CMSS1: variants seen among roughly 807,000 people sequenced by gnomAD.
CMSS1 encodes the protein protein CMSS1.
Under a neutral mutation model 43.5 loss-of-function variants are expected in CMSS1, and 33 were observed. The ratio of observed to expected loss-of-function variants is 0.76; its 90% CI spans 0.57 to 1.01. CMSS1 has a LOEUF of 1.01. Ranked by LOEUF, CMSS1 falls within the 50% of genes least tolerant of loss-of-function variation. CMSS1 has a pLI of 0.00. For synonymous variants in CMSS1, 115 were observed against 117.2 expected (o/e 0.98, Z 0.12); for missense variants, 313 against 326.4 (o/e 0.96, Z 0.32).
intron 1 of CMSS1, among the ~76,000 whole-genome samples, chr3:100,099,004 G>A (rs752778128): frequency 4.6e-5 from 7 of 152,154 alleles, no homozygotes; most frequent in Non-Finnish European, 8.8e-5. Flanking sequence ...GCAGGTTTTT[G>A]CTTTCCTGAT....
At chr3:99,969,202 AT>A (rs1708742925) in intron 1 of CMSS1, among the ~76,000 whole-genome samples, 1 of 152,200 alleles carries the variant, frequency 6.6e-6, no homozygotes, top group African/African-American at 2.4e-5. Flanking sequence ...GTCCAGGCAT[AT>A]CTAAGAAGGG....
At chr3:99,841,156 C>T (rs1943112894) in intron 1 of CMSS1, among the ~76,000 whole-genome samples, 1 of 152,210 alleles carries the variant, frequency 6.6e-6, no homozygotes. Context: ...TAAGACACTG[C>T]GCATGTCACT....
intron 1 of CMSS1, among the ~76,000 whole-genome samples, chr3:99,822,091 A>G (rs1942449740): frequency 6.6e-6 from 1 of 152,172 alleles, no homozygotes; most frequent in Admixed American, 6.5e-5. Context: ...TACTCACTGA[A>G]GATGAAGAGA....
chr3:99,886,298 G>C (rs1705894576), intron 1 of CMSS1, among the ~76,000 whole-genome samples: 1 of 94,934 alleles, frequency 1.1e-5, no homozygotes, highest in African/African-American at 4.2e-5. Context: ...CCTGGTGAGA[G>C]GGGAATGAGT....
intron 1 of CMSS1, among the ~76,000 whole-genome samples, chr3:99,883,780 C>T (rs982656699): frequency 3.3e-5 from 5 of 152,144 alleles, no homozygotes; most frequent in African/African-American, 7.2e-5. Flanking sequence ...AGACACTACA[C>T]GCTTTACAAA....
intron 1 of CMSS1, among the ~76,000 whole-genome samples, chr3:99,890,460 T>C (rs1020496862): frequency 6.6e-6 from 1 of 152,140 alleles, no homozygotes; most frequent in African/African-American, 2.4e-5. Flanking sequence ...AACAGTTTTT[T>C]CTCTCCTTAA....
At chr3:99,934,813 G>A (rs1707607998) in intron 1 of CMSS1, among the ~76,000 whole-genome samples, 2 of 152,186 alleles carry the variant, frequency 1.3e-5, no homozygotes. Flanking sequence ...GTAAAAAAAG[G>A]AATGACCTGA....
At chr3:99,971,604 C>A (rs1454443568) in intron 1 of CMSS1, among the ~76,000 whole-genome samples, 6 of 152,202 alleles carry the variant, frequency 3.9e-5, no homozygotes, top group African/African-American at 1.4e-4. Flanking sequence ...TGTCTTGTAG[C>A]CACTCCCTGA....
chr3:99,888,806 C>CA (rs771320873), intron 1 of CMSS1, among the ~76,000 whole-genome samples: 11 of 152,050 alleles, frequency 7.2e-5, no homozygotes, highest in Non-Finnish European at 1.2e-4. Flanking sequence ...AATTTCCTTG[C>CA]AAAAAAATAA....
intron 1 of CMSS1, chr3:99,876,274 C>G (rs1043162978): frequency 4.2e-6 from 4 of 943,654 alleles, no homozygotes; most frequent in South Asian, 9.8e-5. Flanking sequence ...GCGCCGGTGA[C>G]CGCGGGACCC....
At chr3:100,159,006 C>G (rs1384204055) in intron 2 of CMSS1, among the ~76,000 whole-genome samples, 1 of 152,194 alleles carries the variant, frequency 6.6e-6, no homozygotes, top group East Asian at 1.9e-4. Context: ...CGGCCTTTGC[C>G]TTAGGAACAT....
intron 1 of CMSS1, among the ~76,000 whole-genome samples, chr3:100,115,364 A>AT (rs765870612): frequency 8.5e-5 from 13 of 152,214 alleles, no homozygotes; most frequent in Non-Finnish European, 1.6e-4. Context: ...GATGATAGAT[A>AT]TAAGACTGAG....
At chr3:100,138,002 C>A (rs1256935314) in intron 1 of CMSS1, among the ~76,000 whole-genome samples, 1 of 152,090 alleles carries the variant, frequency 6.6e-6, no homozygotes, top group Non-Finnish European at 1.5e-5. Context: ...ACATATAGTC[C>A]AATGGAACAG....
At chr3:100,062,175 G>A (rs1232620792) in intron 1 of CMSS1, among the ~76,000 whole-genome samples, 6 of 129,680 alleles carry the variant, frequency 4.6e-5, no homozygotes, top group East Asian at 2.5e-4. Flanking sequence ...GCAGTGGCGC[G>A]ATCTTGGCTC....
intron 1 of CMSS1, among the ~76,000 whole-genome samples, chr3:100,115,575 G>GTCTCTCTCTCTCTC (rs66793218): frequency 2.0e-5 from 2 of 97,954 alleles, no homozygotes; most frequent in Non-Finnish European, 4.2e-5. Context: ...CTCTCTCTCT[G>GTCTCTCTCTCTCTC]TCTCTCTCTC....
intron 1 of CMSS1, among the ~76,000 whole-genome samples, chr3:99,948,361 A>C (rs1708073388): frequency 6.6e-6 from 1 of 152,000 alleles, no homozygotes; most frequent in Admixed American, 6.5e-5. Context: ...TTTTTTAAAA[A>C]TTAAGTAAAA....
intron 1 of CMSS1, among the ~76,000 whole-genome samples, chr3:99,837,219 A>G (rs1942936584): frequency 6.6e-6 from 1 of 152,166 alleles, no homozygotes; most frequent in Non-Finnish European, 1.5e-5. Flanking sequence ...GTACTCACTG[A>G]TTCCCTCCCT....
At chr3:100,091,284 CAAAA>C (rs570908389) in intron 1 of CMSS1, among the ~76,000 whole-genome samples, 3 of 59,104 alleles carry the variant, frequency 5.1e-5, no homozygotes, top group African/African-American at 6.1e-5. Flanking sequence ...GACTCCGTCT[CAAAA>C]AAAAAAAAAA....
chr3:100,159,344 G>A (rs2107525229), intron 2 of CMSS1, among the ~76,000 whole-genome samples: 1 of 152,202 alleles, frequency 6.6e-6, no homozygotes, highest in East Asian at 1.9e-4. Context: ...CGGGTCTTTG[G>A]CCCCATGTCT....
Sources: allele counts gnomAD v4.1 joint callset (sites outside exome capture counted in the v4.1 genomes callset), GRCh38; gene constraint gnomAD v4.1.1; transcripts MANE v1.5; gene names NCBI Gene and HGNC (gene_info 2026-07-23, HGNC 2026-07-21).